ZNF804A: variants seen among roughly 807,000 people sequenced by gnomAD.
ZNF804A encodes zinc finger protein 804A.
A neutral mutation model predicts 16.5 loss-of-function variants in ZNF804A; 2 were observed. The observed-to-expected ratio is 0.12, with a 90% CI of 0.05 to 0.38. ZNF804A has a LOEUF of 0.38. Ranked by LOEUF, ZNF804A falls within the 10% of genes least tolerant of loss-of-function variation. The probability of loss-of-function intolerance (pLI) is 0.99; values close to 1 mark genes in which losing one functional copy is unlikely to be tolerated. For synonymous variants in ZNF804A, 534 were observed against 489.6 expected (o/e 1.09, Z -1.20); for missense variants, 1,473 against 1,390.7 (o/e 1.06, Z -0.94).
intron 1 of ZNF804A, among the ~76,000 whole-genome samples, chr2:184,721,670 G>A (rs533198469): frequency 2.0e-5 from 3 of 152,072 alleles, no homozygotes; most frequent in Admixed American, 1.3e-4. Flanking sequence ...ATGGAGAATA[G>A]CATGTAGTTT....
intron 2 of ZNF804A, among the ~76,000 whole-genome samples, chr2:184,927,089 G>A (rs1024762588): frequency 3.3e-5 from 5 of 152,150 alleles, no homozygotes; most frequent in East Asian, 1.9e-4. Context: ...TCTGGTCATC[G>A]AAGAGTTAGG....
intron 1 of ZNF804A, among the ~76,000 whole-genome samples, chr2:184,667,958 T>G (rs1438032749): frequency 6.6e-6 from 1 of 151,820 alleles, no homozygotes; most frequent in African/African-American, 2.4e-5. Flanking sequence ...ACTCATTGCT[T>G]TGAGGCAATG....
chr2:184,938,749 C>T lies in ZNF804A; in HGVS notation c.3353C>T (p.Ala1118Val), dbSNP rs1241831205. ...GCTGCAGCTGCAGCTGCAGCCGCAG[C>T]TGCAGGAACCTTTAAAGTGCTTCAG... is the stretch of plus-strand genomic sequence containing the variant. ...AAAAAAAAAA[A>V]AGTFKVLQPH... Residue 1118 changes from alanine to valine, a missense_variant, in exon 4 of 4, where the codon GCT (alanine) becomes GTT (valine). Ala to Val is a moderately conservative substitution (Grantham distance 64, BLOSUM62 0). Coordinates refer to ENST00000302277, the MANE Select transcript of ZNF804A (RefSeq NM_194250.2). The T allele has an allele frequency of 3.7e-6, 6 of 1,613,088 alleles. No individual in the cohort carries two copies. In the South Asian group the frequency reaches 6.6e-5, roughly 18 times the overall value.
At chr2:184,678,113 C>T (rs1335462886) in intron 1 of ZNF804A, among the ~76,000 whole-genome samples, 5 of 151,962 alleles carry the variant, frequency 3.3e-5, no homozygotes, top group African/African-American at 1.2e-4. Flanking sequence ...CTCATTTTCA[C>T]TGTTGTTTTA....
intron 2 of ZNF804A, among the ~76,000 whole-genome samples, chr2:184,928,711 G>A (rs528428935): frequency 6.6e-6 from 1 of 152,308 alleles, no homozygotes; most frequent in African/African-American, 2.4e-5. Context: ...AGTTCCAACT[G>A]CTGGGATGGT....
At chr2:184,814,674 G>A (rs1437330515) in intron 1 of ZNF804A, among the ~76,000 whole-genome samples, 1 of 152,016 alleles carries the variant, frequency 6.6e-6, no homozygotes, top group East Asian at 1.9e-4. Context: ...TCTGGTAGCT[G>A]AGAGGCCTTT....
At position 184,938,008 on chromosome 2, in the gene ZNF804A, A is replaced by T; in HGVS notation, c.2612A>T (p.Gln871Leu). 6.2e-7 allele frequency: 1 copy of T among 1,614,100 alleles called. No homozygotes were observed. The highest frequency in any genetic ancestry group is 1.1e-5 in the South Asian group (1 of 91,088). Residue 871 changes from glutamine to leucine, a missense_variant, in exon 4 of 4, where the codon CAA becomes CTA. By Grantham distance (113) the Gln-to-Leu change is moderately radical. Coordinates refer to ENST00000302277, the MANE Select transcript of ZNF804A (RefSeq NM_194250.2). ...GCAAAAATCGAAAGGAACTCAGAACAAACAAACCAATTAAGAAACAAACTG... is the reference window on the plus strand; with the variant it reads ...GCAAAAATCGAAAGGAACTCAGAACTAACAAACCAATTAAGAAACAAACTG... ...EVAKIERNSE[Q>L]TNQLRNKLSF... is the part of the protein sequence containing the mutation.
At chr2:184,749,495 CT>C (rs1693843476) in intron 1 of ZNF804A, among the ~76,000 whole-genome samples, 1 of 151,292 alleles carries the variant, frequency 6.6e-6, no homozygotes, top group East Asian at 1.9e-4. Flanking sequence ...TTAGGGTTTT[CT>C]AAGTATAGAC....
chr2:184,688,231 A>C (rs990250539), intron 1 of ZNF804A, among the ~76,000 whole-genome samples: 23 of 151,870 alleles, frequency 1.5e-4, no homozygotes, highest in African/African-American at 3.6e-4. Flanking sequence ...CAAATTATAT[A>C]CCCGCCACAC....
chr2:184,792,204 T>G (rs1694555183), intron 1 of ZNF804A, among the ~76,000 whole-genome samples: 1 of 152,164 alleles, frequency 6.6e-6, no homozygotes, highest in South Asian at 2.1e-4. Flanking sequence ...CTGGATCATA[T>G]GGTAAGAGTA....
At chr2:184,802,830 A>G (rs952472196) in intron 1 of ZNF804A, among the ~76,000 whole-genome samples, 20 of 152,346 alleles carry the variant, frequency 1.3e-4, no homozygotes, top group African/African-American at 4.6e-4. Flanking sequence ...ATTTCTTAAT[A>G]TCACCCAATT....
chr2:184,732,761 A>G (rs1362459223), intron 1 of ZNF804A, among the ~76,000 whole-genome samples: 2 of 151,978 alleles, frequency 1.3e-5, no homozygotes, highest in East Asian at 1.9e-4. Context: ...ATACCTAAGT[A>G]TTTTGTTTTG....
chr2:184,639,151 G>A (rs917968931), intron 1 of ZNF804A, among the ~76,000 whole-genome samples: 1 of 137,866 alleles, frequency 7.3e-6, no homozygotes, highest in African/African-American at 2.8e-5. Flanking sequence ...TCGGCTCACT[G>A]CAACCTCTGC....
intron 1 of ZNF804A, among the ~76,000 whole-genome samples, chr2:184,642,963 A>G (rs1691815896): frequency 6.6e-6 from 1 of 152,112 alleles, no homozygotes; most frequent in Non-Finnish European, 1.5e-5. Context: ...AACTTTTCAT[A>G]AACATAAAAA....
In ZNF804A at chr2:184,936,443, T is replaced by C; in HGVS notation, c.1047T>C (p.Ser349=). The change falls in exon 4 of 4, where the codon AGT becomes AGC. Residue 349 remains serine, a synonymous_variant. Transcript: ENST00000302277. ...SVVINEDIPV[S]GNSFELLGNK... ...TTATTAATGAAGACATACCTGTTAG[T>C]GGTAACAGTTTTGAGTTGTTAGGAA... is the stretch of plus-strand genomic sequence containing the variant. 1 of 1,613,922 alleles carries C rather than the reference T, an allele frequency of 6.2e-7. No homozygotes were observed. The highest frequency in any genetic ancestry group is 8.5e-7 in the Non-Finnish European group (1 of 1,179,914).
intron 1 of ZNF804A, among the ~76,000 whole-genome samples, chr2:184,826,254 T>C (rs1695167817): frequency 6.6e-6 from 1 of 152,108 alleles, no homozygotes; most frequent in Admixed American, 6.6e-5. Context: ...TTTGCATATA[T>C]TTAACAGCTT....
At chr2:184,817,655 C>T (rs1227488271) in intron 1 of ZNF804A, among the ~76,000 whole-genome samples, 1 of 151,842 alleles carries the variant, frequency 6.6e-6, no homozygotes, top group African/African-American at 2.4e-5. Context: ...AACTAAGAAT[C>T]ATGGTAAAGC....
intron 1 of ZNF804A, among the ~76,000 whole-genome samples, chr2:184,732,373 T>A (rs1232456501): frequency 1.3e-5 from 2 of 152,136 alleles, no homozygotes; most frequent in Non-Finnish European, 2.9e-5. Context: ...TTCTGGACCT[T>A]CTATCATGTT....
intron 1 of ZNF804A, among the ~76,000 whole-genome samples, chr2:184,779,305 A>C (rs991640962): frequency 6.6e-6 from 1 of 151,470 alleles, no homozygotes; most frequent in Admixed American, 6.6e-5. Flanking sequence ...GTTTGTTGTT[A>C]TGTTTTGTTT....
Sources: gnomAD v4.1 joint callset for allele counts (sites outside exome capture counted in the v4.1 genomes callset) on GRCh38, gnomAD v4.1.1 for gene constraint, MANE v1.5 for transcripts, NCBI Gene and HGNC (gene_info 2026-07-23, HGNC 2026-07-21) for gene names.